The following TAAR5 variants were observed in gnomAD, a reference collection of about 807,000 sequenced individuals.
The protein encoded by TAAR5 is trace amine associated receptor 5.
A neutral mutation model predicts 21.1 loss-of-function variants in TAAR5; 27 were observed. That is an observed-to-expected ratio of 1.28 (90% CI 0.94 to 1.76). The LOEUF (loss-of-function observed/expected upper bound fraction) is 1.76, where lower values mean the gene tolerates loss of function less well. Among genes scored for constraint, TAAR5 ranks in the 40% most tolerant of loss-of-function variants. TAAR5 has a pLI of 0.00. For missense variants in TAAR5, 495 were observed against 405.6 expected (o/e 1.22, Z -1.89); for synonymous variants, 203 against 167.5 (o/e 1.21, Z -1.64).
At chr6:132,614,918 C>G in the TAAR5 span, among the ~76,000 whole-genome samples, 1 of 152,108 alleles carries the variant, frequency 6.6e-6, no homozygotes, top group African/African-American at 2.4e-5. Flanking sequence ...GGCTGGAATA[C>G]AGTAGTGCGA....
the TAAR5 span, among the ~76,000 whole-genome samples, chr6:132,613,515 T>A: frequency 1.3e-5 from 2 of 152,206 alleles, no homozygotes; most frequent in Non-Finnish European, 2.9e-5. Flanking sequence ...TGTTCAAATA[T>A]TAATAATTAC....
At chr6:132,591,626 A>G (rs1344040598), upstream of TAAR5, among the ~76,000 whole-genome samples, 1 of 152,224 alleles carries the variant, frequency 6.6e-6, no homozygotes, top group Admixed American at 6.5e-5. Context: ...TTAGCTTAAA[A>G]GTCATAATCC....
chr6:132,603,802 A>C, the TAAR5 span, among the ~76,000 whole-genome samples: 12 of 152,246 alleles, frequency 7.9e-5, no homozygotes, highest in South Asian at 6.2e-4. Flanking sequence ...GTATTATGGA[A>C]GTTTTTATGT....
chr6:132,609,805 AAG>A, the TAAR5 span, among the ~76,000 whole-genome samples: 1 of 152,222 alleles, frequency 6.6e-6, no homozygotes, highest in African/African-American at 2.4e-5. Flanking sequence ...CAAATGTTTT[AAG>A]AGTTATAAAT....
Position 132,588,901 on chromosome 6 carries a change from G to T in TAAR5, c.786C>A (p.Leu262=). Residue 262 remains leucine (L), a synonymous_variant, in exon 1 of 1, where the codon CTC becomes CTA. Coordinates refer to ENST00000258034, the MANE Select transcript of TAAR5 (RefSeq NM_003967.3). The stretch of plus-strand genomic sequence containing the variant: ...CTATGGTGAAGGGCAGCCAGCACAA[G>T]AGGTATATGCCCACAGCAATGCCCA... The part of the protein sequence containing the change: ...KTLGIAVGIY[L]LCWLPFTIDT... 4 of 1,614,150 alleles carry T rather than the reference G, an allele frequency of 2.5e-6. No individual in the cohort carries two copies. The highest frequency in any genetic ancestry group is 3.4e-6 in the Non-Finnish European group (4 of 1,180,012).
At chr6:132,600,865 GAA>G in the TAAR5 span, among the ~76,000 whole-genome samples, 1 of 129,562 alleles carries the variant, frequency 7.7e-6, no homozygotes, top group Non-Finnish European at 1.6e-5. Context: ...GGGAAGGAAG[GAA>G]GGAGAGAGGG....
the TAAR5 span, among the ~76,000 whole-genome samples, chr6:132,601,002 AGGGAAGGAAGGAAGGG>A: frequency 4.4e-5 from 6 of 135,108 alleles, no homozygotes; most frequent in Admixed American, 7.2e-5. Flanking sequence ...GGAGGGAAGG[AGGGAAGGAAGGAAGGG>A]GGGAAGGAGG....
chr6:132,588,860 C>T lies in TAAR5; in HGVS notation c.827G>A (p.Ser276Asn). 2 of 1,614,050 alleles carry T rather than the reference C, an allele frequency of 1.2e-6. No individual in the cohort carries two copies. The highest frequency in any genetic ancestry group is 8.5e-7 in the Non-Finnish European group (1 of 1,179,978). Residue 276 changes from serine to asparagine, a missense_variant, in exon 1 of 1, where the codon AGC becomes AAC. By Grantham distance (46) the Ser-to-Asn change is conservative. Coordinates refer to ENST00000258034, the MANE Select transcript of TAAR5 (RefSeq NM_003967.3). ...TGGGGGTGTGATAAAGTGAAGGAGGCTGTCGACCATCGTGTCTATGGTGAA... is the reference window on the plus strand; with the variant it reads ...TGGGGGTGTGATAAAGTGAAGGAGGTTGTCGACCATCGTGTCTATGGTGAA... ...LPFTIDTMVD[S>N]LLHFITPPLV...
the TAAR5 span, among the ~76,000 whole-genome samples, chr6:132,599,996 C>CA: frequency 2.0e-5 from 3 of 151,654 alleles, no homozygotes; most frequent in East Asian, 1.9e-4. Flanking sequence ...AAAAATAAAC[C>CA]AAAAAAACCC....
At chr6:132,600,498 C>T in the TAAR5 span, among the ~76,000 whole-genome samples, 1 of 152,156 alleles carries the variant, frequency 6.6e-6, no homozygotes, top group Non-Finnish European at 1.5e-5. Flanking sequence ...AGGAACTGCT[C>T]TGACAGCAAT....
At chr6:132,596,751 G>T in the TAAR5 span, among the ~76,000 whole-genome samples, 1 of 152,070 alleles carries the variant, frequency 6.6e-6, no homozygotes, top group Non-Finnish European at 1.5e-5. Flanking sequence ...GAACAAAGAT[G>T]TGTTCAGCTC....
chr6:132,611,956 G>A, the TAAR5 span, among the ~76,000 whole-genome samples: 2 of 152,120 alleles, frequency 1.3e-5, no homozygotes, highest in Non-Finnish European at 2.9e-5. Context: ...GAAGTCTCCT[G>A]TGTCATGTAA....
At chr6:132,599,357 T>A in the TAAR5 span, among the ~76,000 whole-genome samples, 1 of 134,312 alleles carries the variant, frequency 7.4e-6, no homozygotes. Flanking sequence ...TTTGACGGAG[T>A]CCCGCTCTGT....
chr6:132,608,768 C>T, the TAAR5 span: 7 of 455,804 alleles, frequency 1.5e-5, no homozygotes, highest in Non-Finnish European at 2.6e-5. Flanking sequence ...GAAACATCGG[C>T]CTCAGATAGA....
the TAAR5 span, among the ~76,000 whole-genome samples, chr6:132,614,563 A>G: frequency 6.6e-6 from 1 of 152,206 alleles, no homozygotes; most frequent in African/African-American, 2.4e-5. Flanking sequence ...AATTCTTTTT[A>G]TTGACCCAGT....
At chr6:132,614,927 G>T in the TAAR5 span, among the ~76,000 whole-genome samples, 1 of 152,090 alleles carries the variant, frequency 6.6e-6, no homozygotes, top group Non-Finnish European at 1.5e-5. Context: ...ACAGTAGTGC[G>T]ATCTCAGCTC....
chr6:132,608,903 C>CA, the TAAR5 span: 1 of 455,748 alleles, frequency 2.2e-6, no homozygotes, highest in Non-Finnish European at 4.4e-6. Flanking sequence ...CGGTCAATAG[C>CA]AATGGAACAG....
At chr6:132,610,970 A>C in the TAAR5 span, among the ~76,000 whole-genome samples, 31 of 152,330 alleles carry the variant, frequency 2.0e-4, no homozygotes, top group Admixed American at 7.2e-4. Context: ...ACAGAAGAGC[A>C]GAGAAACAAG....
upstream of TAAR5, among the ~76,000 whole-genome samples, chr6:132,593,713 A>T (rs997922387): frequency 5.3e-5 from 8 of 152,244 alleles, no homozygotes; most frequent in African/African-American, 1.9e-4. Context: ...CACAGGCTGC[A>T]TACATACATG....
Sources: allele counts gnomAD v4.1 joint callset (sites outside exome capture counted in the v4.1 genomes callset), GRCh38; gene constraint gnomAD v4.1.1; transcripts MANE v1.5; gene names NCBI Gene and HGNC (gene_info 2026-07-23, HGNC 2026-07-21).